Variants in NFILZ observed in about 807,000 individuals in gnomAD.
The protein encoded by NFILZ is NFIL3 like basic leucine zipper.
intron 3 of NFILZ, among the ~76,000 whole-genome samples, chr19:8,668,867 T>C (rs186020106): frequency 1.1e-4 from 17 of 152,276 alleles, no homozygotes; most frequent in African/African-American, 4.1e-4. Flanking sequence ...TACAGTTGTG[T>C]TGGGTGATGT....
intron 3 of NFILZ, among the ~76,000 whole-genome samples, chr19:8,665,386 C>CT (rs1167099536): frequency 2.0e-5 from 3 of 151,962 alleles, no homozygotes; most frequent in South Asian, 2.1e-4. Flanking sequence ...TTGAGGAGGG[C>CT]TAAGGGGGTA....
intron 3 of NFILZ, among the ~76,000 whole-genome samples, chr19:8,661,718 C>T (rs1176499479): frequency 2.6e-5 from 4 of 152,144 alleles, no homozygotes; most frequent in African/African-American, 9.7e-5. Flanking sequence ...ATCGTGAAAC[C>T]TTGTTTCTAC....
intron 3 of NFILZ, among the ~76,000 whole-genome samples, chr19:8,637,594 C>T (rs1283679286): frequency 8.2e-6 from 1 of 121,676 alleles, no homozygotes; most frequent in Non-Finnish European, 1.7e-5. Context: ...GCCTAGGCGA[C>T]AGAGTGAGAC....
At chr19:8,657,265 C>A (rs1346638907) in intron 3 of NFILZ, among the ~76,000 whole-genome samples, 1 of 151,720 alleles carries the variant, frequency 6.6e-6, no homozygotes, top group Non-Finnish European at 1.5e-5. Context: ...CGCCACCACA[C>A]CCAGCTAATT....
rs2043126865 is a variant in NFILZ, at chr19:8,678,183, A to ATTCATCCACTTG, written c.*549_*550insTCATCCACTTGT. ...CATCCATCCATCCATCCATCCATCC[A>ATTCATCCACTTG]TCCATCCGTCCATCTATCCATCCAT... is the stretch of plus-strand genomic sequence containing the variant. On this transcript the variant is annotated 3_prime_UTR_variant, in exon 6 of 6. Coordinates refer to ENST00000691075, the MANE Select transcript of NFILZ (RefSeq NM_001378600.1). Among the ~76,000 whole-genome samples the ATTCATCCACTTG allele has an allele frequency of 2.0e-5, 1 of 49,096 alleles. No homozygotes were observed. Among genetic ancestry groups the ATTCATCCACTTG allele is most frequent in the Non-Finnish European group, 4.2e-5 (1 of 23,858 alleles). The allele number at this position is 49,096 out of a possible 152,430, so 32.2% of individuals were successfully genotyped here.
At chr19:8,640,483 A>G (rs2042914689) in intron 3 of NFILZ, among the ~76,000 whole-genome samples, 1 of 152,012 alleles carries the variant, frequency 6.6e-6, no homozygotes, top group Non-Finnish European at 1.5e-5. Context: ...GGGGAAGTTC[A>G]CTTAGGACAC....
At chr19:8,651,197 T>G (rs777725247) in intron 3 of NFILZ, among the ~76,000 whole-genome samples, 26 of 152,192 alleles carry the variant, frequency 1.7e-4, no homozygotes, top group Admixed American at 3.3e-4. Context: ...AATCTTGCTC[T>G]GTTGCCCAGG....
intron 3 of NFILZ, among the ~76,000 whole-genome samples, chr19:8,649,952 T>A (rs2042957785): frequency 6.6e-6 from 1 of 151,718 alleles, no homozygotes; most frequent in Non-Finnish European, 1.5e-5. Context: ...CCGTCTGTAC[T>A]AAAAATACAA....
intron 3 of NFILZ, among the ~76,000 whole-genome samples, chr19:8,648,171 CAAAAAAAAAAAA>C (rs56776806): frequency 2.5e-4 from 17 of 68,516 alleles, no homozygotes; most frequent in South Asian, 5.7e-4. Flanking sequence ...GACTCCGTCT[CAAAAAAAAAAAA>C]AAAAAAAAAA....
At chr19:8,633,614 C>T (rs189102432) in intron 2 of NFILZ, among the ~76,000 whole-genome samples, 11 of 152,276 alleles carry the variant, frequency 7.2e-5, no homozygotes, top group East Asian at 1.9e-4. Flanking sequence ...GGAAGTGCAC[C>T]TGCAGCTGCT....
chr19:8,663,738 G>GTGTGTGTGTGTGTGTGTGTGTA (rs2043045930), intron 3 of NFILZ, among the ~76,000 whole-genome samples: 5 of 23,924 alleles, frequency 2.1e-4, no homozygotes, highest in African/African-American at 5.2e-4. Flanking sequence ...GTGTGTGTGT[G>GTGTGTGTGTGTGTGTGTGTGTA]TGTGTGTGTG....
chr19:8,637,782 C>T (rs1555746237), intron 3 of NFILZ, among the ~76,000 whole-genome samples: 1 of 148,542 alleles, frequency 6.7e-6, no homozygotes, highest in Non-Finnish European at 1.5e-5. Flanking sequence ...TGGCAGATGC[C>T]TGTAATCTCA....
rs558662057 is a variant in NFILZ, at chr19:8,674,955, GGT to G, written c.-114+358_-114+359del. ...TCTGCCAAAGTGAACAGAAAAATGT[GGT>G]GTCTTTCATGGTTTCTTGGGTGGGA... On this transcript the variant is annotated intron_variant, in intron 4 of 5. Transcript: ENST00000691075. Among the ~76,000 whole-genome samples the G allele has an allele frequency of 2.9e-3, 443 of 152,216 alleles. 1 individual carries two copies. The highest frequency in any genetic ancestry group is 0.01 in the Middle Eastern group (3 of 294).
At chr19:8,664,399 G>A (rs1366793595) in intron 3 of NFILZ, among the ~76,000 whole-genome samples, 3 of 152,090 alleles carry the variant, frequency 2.0e-5, no homozygotes, top group Admixed American at 6.5e-5. Flanking sequence ...CCTGGCACTC[G>A]GGACCCCAGA....
intron 3 of NFILZ, among the ~76,000 whole-genome samples, chr19:8,652,392 C>T (rs943051319): frequency 6.6e-6 from 1 of 152,184 alleles, no homozygotes; most frequent in African/African-American, 2.4e-5. Flanking sequence ...CTTGAGCCAC[C>T]GCTCCTGGCT....
At chr19:8,663,750 G>GTGTGTGTA (rs1555674964) in intron 3 of NFILZ, among the ~76,000 whole-genome samples, 3 of 136,968 alleles carry the variant, frequency 2.2e-5, no homozygotes, top group Admixed American at 7.2e-5. Context: ...GTGTGTGTGT[G>GTGTGTGTA]TGTGTGTGTG....
chr19:8,668,370 G>C (rs1568424364), intron 3 of NFILZ, among the ~76,000 whole-genome samples: 1 of 151,758 alleles, frequency 6.6e-6, no homozygotes. Flanking sequence ...AGGATACAGA[G>C]GAATGATGGT....
Position 8,677,393 on chromosome 19 carries a change from C to G in NFILZ, c.628C>G (p.Leu210Val), listed in dbSNP as rs1426862665. Residue 210 changes from leucine to valine, a missense_variant, in exon 6 of 6, where the codon CTC (leucine) becomes GTC (valine). Physicochemically the swap from Leu to Val is conservative, Grantham distance 32. Coordinates refer to ENST00000691075, the MANE Select transcript of NFILZ (RefSeq NM_001378600.1). ...GGGGCATGTAGGGTCCAGACCAGAG[C>G]TCAGACCCTGCTGGGGGCTGTGGTC... ...LEGHVGSRPELRPCWGLWSPV... is the reference protein window; with the variant it reads ...LEGHVGSRPEVRPCWGLWSPV... The G allele has an allele frequency of 6.6e-6, 1 of 152,444 alleles. No homozygotes were observed. The highest frequency in any genetic ancestry group is 1.5e-5 in the Non-Finnish European group (1 of 68,238). 9.4% of individuals were successfully genotyped at this position (152,444 alleles called of 1,614,324 possible).
intron 3 of NFILZ, among the ~76,000 whole-genome samples, chr19:8,662,993 G>A (rs2043039079): frequency 6.7e-6 from 1 of 148,834 alleles, no homozygotes; most frequent in African/African-American, 2.5e-5. Flanking sequence ...TGTTGCCAGG[G>A]CTGGTGTGCA....
Sources: gnomAD v4.1 joint callset for allele counts (sites outside exome capture counted in the v4.1 genomes callset) on GRCh38, gnomAD v4.1.1 for gene constraint, MANE v1.5 for transcripts, NCBI Gene and HGNC (gene_info 2026-07-23, HGNC 2026-07-21) for gene names.